MATCAP2: variants seen among roughly 807,000 people sequenced by gnomAD.
MATCAP2 encodes the protein microtubule associated tyrosine carboxypeptidase 2.
At chr7:36,331,537 G>A in the MATCAP2 span, among the ~76,000 whole-genome samples, 1 of 152,004 alleles carries the variant, frequency 6.6e-6, no homozygotes, top group Non-Finnish European at 1.5e-5. Flanking sequence ...GAAACTCCTG[G>A]TATTTAGAAT....
the MATCAP2 span, among the ~76,000 whole-genome samples, chr7:36,377,322 T>C: frequency 8.5e-5 from 13 of 152,186 alleles, no homozygotes; most frequent in Non-Finnish European, 1.5e-4. Context: ...TCAGCATTTG[T>C]TTGTTTATAA....
At chr7:36,388,310 A>C in the MATCAP2 span, among the ~76,000 whole-genome samples, 230 of 152,204 alleles carry the variant, frequency 1.5e-3, no homozygotes, top group African/African-American at 5.3e-3. Context: ...AAAAAAAAAA[A>C]AAACCCATGG....
the MATCAP2 span, among the ~76,000 whole-genome samples, chr7:36,350,750 C>T: frequency 3.9e-5 from 6 of 152,154 alleles, no homozygotes; most frequent in Admixed American, 3.9e-4. Context: ...CTAGGCTGGC[C>T]AGGCTGGTCT....
the MATCAP2 span, chr7:36,390,090 G>A: frequency 1.2e-6 from 2 of 1,612,468 alleles, no homozygotes; most frequent in Non-Finnish European, 1.7e-6. Context: ...ACCGCTCTAG[G>A]CCCCCACCCA....
At chr7:36,372,128 A>G in the MATCAP2 span, among the ~76,000 whole-genome samples, 286 of 152,364 alleles carry the variant, frequency 1.9e-3, 1 homozygote, top group African/African-American at 6.5e-3. Context: ...TTATTAACAC[A>G]AAAAGAATTA....
the MATCAP2 span, among the ~76,000 whole-genome samples, chr7:36,365,037 AAG>A: frequency 6.6e-6 from 1 of 152,202 alleles, no homozygotes; most frequent in Non-Finnish European, 1.5e-5. Context: ...GAAATGAGAC[AAG>A]AGGAGTGGGT....
the MATCAP2 span, among the ~76,000 whole-genome samples, chr7:36,376,370 G>A: frequency 6.6e-6 from 1 of 152,188 alleles, no homozygotes; most frequent in Non-Finnish European, 1.5e-5. Flanking sequence ...TTCAGGAGCA[G>A]GTTGTTCAGT....
At chr7:36,338,556 G>C in the MATCAP2 span, among the ~76,000 whole-genome samples, 1 of 151,794 alleles carries the variant, frequency 6.6e-6, no homozygotes, top group Non-Finnish European at 1.5e-5. Flanking sequence ...ACCTCCCAAA[G>C]TGCTGGGATT....
chr7:36,380,473 G>A, the MATCAP2 span, among the ~76,000 whole-genome samples: 4 of 152,188 alleles, frequency 2.6e-5, no homozygotes, highest in Non-Finnish European at 5.9e-5. Flanking sequence ...GAGCAAGCCA[G>A]GAAAACAGAA....
the MATCAP2 span, chr7:36,356,946 C>T: frequency 9.0e-5 from 145 of 1,614,068 alleles, no homozygotes; most frequent in East Asian, 6.9e-4. Context: ...TTAGCTAATA[C>T]GCTTGGCAGA....
At chr7:36,375,999 C>G in the MATCAP2 span, among the ~76,000 whole-genome samples, 7 of 152,062 alleles carry the variant, frequency 4.6e-5, no homozygotes, top group African/African-American at 1.7e-4. Flanking sequence ...ATTAGTCTTG[C>G]TAGCGGTTTA....
the MATCAP2 span, among the ~76,000 whole-genome samples, chr7:36,378,438 A>C: frequency 6.6e-6 from 1 of 151,918 alleles, no homozygotes; most frequent in Non-Finnish European, 1.5e-5. Flanking sequence ...GCAGAACAGC[A>C]AATATTGCTG....
chr7:36,334,145 T>A, the MATCAP2 span: 1 of 1,611,870 alleles, frequency 6.2e-7, no homozygotes, highest in Non-Finnish European at 8.5e-7. Context: ...TGTTAATACC[T>A]CGAAAATAAT....
the MATCAP2 span, chr7:36,384,016 T>C: frequency 2.1e-6 from 1 of 481,052 alleles, no homozygotes; most frequent in South Asian, 5.9e-5. Context: ...ATATAAATAG[T>C]ATTTTAAAAA....
chr7:36,381,476 G>C, the MATCAP2 span, among the ~76,000 whole-genome samples: 1 of 152,032 alleles, frequency 6.6e-6, no homozygotes, highest in African/African-American at 2.4e-5. Flanking sequence ...TTTGAGACCA[G>C]CCTGGCCAAC....
chr7:36,329,020 C>T, the MATCAP2 span, among the ~76,000 whole-genome samples: 719 of 151,898 alleles, frequency 4.7e-3, 5 homozygotes, highest in African/African-American at 0.017. Flanking sequence ...CCAGCCTGAG[C>T]AACAAGAGCA....
chr7:36,362,676 A>C, the MATCAP2 span, among the ~76,000 whole-genome samples: 2 of 151,538 alleles, frequency 1.3e-5, no homozygotes, highest in Non-Finnish European at 2.9e-5. Context: ...CAATTTCTCC[A>C]CTCCAGCCTT....
At chr7:36,339,256 T>C in the MATCAP2 span, among the ~76,000 whole-genome samples, 2 of 152,214 alleles carry the variant, frequency 1.3e-5, no homozygotes, top group East Asian at 3.8e-4. Flanking sequence ...AACATATATA[T>C]CACTAATTGA....
chr7:36,356,473 C>T, the MATCAP2 span: 1 of 227,422 alleles, frequency 4.4e-6, no homozygotes, highest in Non-Finnish European at 8.8e-6. Context: ...CAAGATCGTG[C>T]CACTACACTC....
Sources: allele counts gnomAD v4.1 joint callset (sites outside exome capture counted in the v4.1 genomes callset), GRCh38; gene constraint gnomAD v4.1.1; transcripts MANE v1.5; gene names NCBI Gene and HGNC (gene_info 2026-07-23, HGNC 2026-07-21).